The following CNTNAP2 variants were observed in gnomAD, a reference collection of about 807,000 sequenced individuals.
CNTNAP2 encodes the protein contactin-associated protein-like 2.
In CNTNAP2, 98 loss-of-function variants were observed where a neutral mutation model predicts 155.2. The observed-to-expected ratio is 0.63, with a 90% CI of 0.54 to 0.75. The LOEUF is 0.75. Ranked by LOEUF, CNTNAP2 falls within the 30% of genes least tolerant of loss-of-function variation. CNTNAP2 has a pLI of 0.00. For synonymous variants in CNTNAP2, 651 were observed against 631.2 expected, an observed-to-expected ratio of 1.03 and a Z score of -0.47; for missense variants, 1,727 against 1,688.1, an observed-to-expected ratio of 1.02 and a Z score of -0.40.
chr7:146,844,986 C>T (rs28699056), intron 3 of CNTNAP2, among the ~76,000 whole-genome samples: 5,648 of 152,092 alleles, frequency 0.037, 351 homozygotes, highest in African/African-American at 0.13. Context: ...TAGGGATAAA[C>T]AAATTCATAT....
At chr7:146,821,339 A>G (rs1046453712) in intron 2 of CNTNAP2, among the ~76,000 whole-genome samples, 3 of 151,914 alleles carry the variant, frequency 2.0e-5, no homozygotes, top group African/African-American at 7.3e-5. Flanking sequence ...TTCCTTCAGG[A>G]GCTCTTTTAG....
intron 1 of CNTNAP2, among the ~76,000 whole-genome samples, chr7:146,627,498 T>C (rs1439924551): frequency 6.6e-6 from 1 of 152,132 alleles, no homozygotes; most frequent in East Asian, 1.9e-4. Flanking sequence ...CAAATCAAAG[T>C]TTAGAATATA....
chr7:146,885,768 G>T (rs138496932), intron 3 of CNTNAP2, among the ~76,000 whole-genome samples: 1 of 152,174 alleles, frequency 6.6e-6, no homozygotes, highest in Non-Finnish European at 1.5e-5. Context: ...CTTGGAGTGT[G>T]CTCTGCCAGT....
At chr7:147,560,989 C>A (rs1352445645) in intron 11 of CNTNAP2, among the ~76,000 whole-genome samples, 2 of 151,580 alleles carry the variant, frequency 1.3e-5, no homozygotes, top group Admixed American at 6.6e-5. Flanking sequence ...GTGAATTTGA[C>A]TGGAGAAACA....
At chr7:148,240,010 T>C (rs1443758794) in intron 20 of CNTNAP2, among the ~76,000 whole-genome samples, 1 of 152,184 alleles carries the variant, frequency 6.6e-6, no homozygotes, top group East Asian at 1.9e-4. Flanking sequence ...CACCACATGG[T>C]GAGAAAGTTC....
intron 3 of CNTNAP2, among the ~76,000 whole-genome samples, chr7:146,967,151 C>T (rs530506486): frequency 1.3e-5 from 2 of 151,976 alleles, no homozygotes; most frequent in Non-Finnish European, 2.9e-5. Flanking sequence ...TCATGATAGG[C>T]CTATGTGTAA....
intron 13 of CNTNAP2, among the ~76,000 whole-genome samples, chr7:147,661,255 AT>A (rs111608329): frequency 2.9e-4 from 44 of 151,092 alleles, no homozygotes; most frequent in African/African-American, 8.5e-4. Context: ...ATGCCGTGTC[AT>A]TTTTTTTTGT....
At chr7:146,321,392 T>A (rs1276838677) in intron 1 of CNTNAP2, among the ~76,000 whole-genome samples, 1 of 152,148 alleles carries the variant, frequency 6.6e-6, no homozygotes, top group African/African-American at 2.4e-5. Flanking sequence ...ATCGAGAACA[T>A]CCCTCTGAGC....
At chr7:147,485,178 C>T (rs1239638569) in intron 10 of CNTNAP2, among the ~76,000 whole-genome samples, 1 of 152,164 alleles carries the variant, frequency 6.6e-6, no homozygotes, top group Non-Finnish European at 1.5e-5. Context: ...CCCACTATTT[C>T]CTGCCTATTA....
chr7:146,426,214 A>C (rs2129115628), intron 1 of CNTNAP2, among the ~76,000 whole-genome samples: 1 of 149,384 alleles, frequency 6.7e-6, no homozygotes. Context: ...AAAAAAATTA[A>C]AACTTAAGGA....
intron 15 of CNTNAP2, among the ~76,000 whole-genome samples, chr7:148,024,157 TA>T (rs34591496): frequency 5.6e-5 from 6 of 107,600 alleles, no homozygotes; most frequent in African/African-American, 1.8e-4. Context: ...CTTTAAAGTG[TA>T]AAAAAAAAAA....
At chr7:147,731,411 G>T (rs1584925216) in intron 13 of CNTNAP2, among the ~76,000 whole-genome samples, 1 of 151,878 alleles carries the variant, frequency 6.6e-6, no homozygotes, top group Admixed American at 6.6e-5. Context: ...CCTAGAAATG[G>T]AATAACAAAG....
chr7:146,886,214 G>A (rs767644949), intron 3 of CNTNAP2, among the ~76,000 whole-genome samples: 4 of 147,538 alleles, frequency 2.7e-5, no homozygotes, highest in Non-Finnish European at 5.9e-5. Flanking sequence ...TTCTTAATTT[G>A]TCAGGATTTT....
chr7:147,836,239 C>T (rs1798632090), intron 13 of CNTNAP2, among the ~76,000 whole-genome samples: 1 of 152,166 alleles, frequency 6.6e-6, no homozygotes, highest in South Asian at 2.1e-4. Context: ...TAATTACACA[C>T]GTAACGGCTC....
chr7:146,284,136 A>C (rs1800292403), intron 1 of CNTNAP2, among the ~76,000 whole-genome samples: 1 of 152,198 alleles, frequency 6.6e-6, no homozygotes, highest in South Asian at 2.1e-4. Flanking sequence ...ATTGATGATT[A>C]GCTAGTGTTC....
At chr7:146,507,183 A>G (rs969590613) in intron 1 of CNTNAP2, among the ~76,000 whole-genome samples, 1 of 152,150 alleles carries the variant, frequency 6.6e-6, no homozygotes, top group Non-Finnish European at 1.5e-5. Flanking sequence ...CCTTCCTGTC[A>G]CACTCTCACA....
chr7:147,506,316 C>T (rs1437041616), intron 11 of CNTNAP2, among the ~76,000 whole-genome samples: 6 of 152,086 alleles, frequency 3.9e-5, no homozygotes, highest in African/African-American at 1.2e-4. Context: ...AGTGCAATGG[C>T]GCGATCTCGG....
intron 13 of CNTNAP2, among the ~76,000 whole-genome samples, chr7:147,777,488 C>T (rs1486162661): frequency 6.6e-6 from 1 of 152,156 alleles, no homozygotes; most frequent in African/African-American, 2.4e-5. Context: ...ATCCTGGGAG[C>T]CCGGTTCCCC....
At chr7:147,421,585 CTGTGTG>C (rs55983110) in intron 10 of CNTNAP2, among the ~76,000 whole-genome samples, 15 of 143,602 alleles carry the variant, frequency 1.0e-4, no homozygotes, top group South Asian at 2.3e-4. Flanking sequence ...TCTATCTAAT[CTGTGTG>C]TGTGTGTGTG....
Sources: allele counts gnomAD v4.1 joint callset (sites outside exome capture counted in the v4.1 genomes callset), GRCh38; gene constraint gnomAD v4.1.1; transcripts MANE v1.5; gene names NCBI Gene and HGNC (gene_info 2026-07-23, HGNC 2026-07-21).